Variants in IQCM observed in about 807,000 individuals in gnomAD.
IQCM encodes IQ motif containing M.
IQCM carries 45 observed loss-of-function variants against 57.6 expected under a neutral mutation model. That is an observed-to-expected ratio of 0.78 (90% CI 0.62 to 1.00). The LOEUF (loss-of-function observed/expected upper bound fraction) is 1.00. Ranked by LOEUF, IQCM falls within the 50% of genes least tolerant of loss-of-function variation. The probability of loss-of-function intolerance (pLI) is 0.00; values close to 1 mark genes in which losing one functional copy is unlikely to be tolerated. For synonymous variants in IQCM, 148 were observed against 158.9 expected, an observed-to-expected ratio of 0.93 and a Z score of 0.51; for missense variants, 468 against 511.6, an observed-to-expected ratio of 0.91 and a Z score of 0.82.
At chr4:149,440,121 CT>C (rs955416306) in intron 12 of IQCM, among the ~76,000 whole-genome samples, 1,405 of 88,012 alleles carry the variant, frequency 0.016, 15 homozygotes, top group African/African-American at 0.046. Flanking sequence ...CATGCCCGGC[CT>C]TTTTTTTTTT....
At chr4:149,621,550 T>C (rs2150074102) in intron 7 of IQCM, among the ~76,000 whole-genome samples, 1 of 152,314 alleles carries the variant, frequency 6.6e-6, no homozygotes. Context: ...TCAACTTCTT[T>C]TTTTTTAAAG....
chr4:149,478,318 T>C (rs775821537), intron 12 of IQCM, among the ~76,000 whole-genome samples: 3 of 152,082 alleles, frequency 2.0e-5, no homozygotes, highest in Non-Finnish European at 4.4e-5. Flanking sequence ...AGGTGCAAGA[T>C]TGCACACACT....
At chr4:149,750,702 A>G (rs975844607) in intron 2 of IQCM, among the ~76,000 whole-genome samples, 6 of 152,232 alleles carry the variant, frequency 3.9e-5, no homozygotes, top group African/African-American at 1.4e-4. Flanking sequence ...CTTAAATAGA[A>G]GCCATTAACA....
At chr4:149,516,777 C>A (rs1307963458) in intron 12 of IQCM, among the ~76,000 whole-genome samples, 2 of 151,770 alleles carry the variant, frequency 1.3e-5, no homozygotes, top group East Asian at 3.9e-4. Flanking sequence ...AGTCTTAGTT[C>A]CAGAGGGAGG....
chr4:149,543,293 G>A (rs1267475483), intron 12 of IQCM, among the ~76,000 whole-genome samples: 1 of 151,884 alleles, frequency 6.6e-6, no homozygotes, highest in African/African-American at 2.4e-5. Flanking sequence ...GATAAGTATT[G>A]TTAAAAACAA....
At chr4:149,449,619 G>C (rs1219954169) in intron 12 of IQCM, among the ~76,000 whole-genome samples, 1 of 150,896 alleles carries the variant, frequency 6.6e-6, no homozygotes, top group African/African-American at 2.4e-5. Context: ...TTAAATAGCT[G>C]CACATAAAAT....
intron 13 of IQCM, among the ~76,000 whole-genome samples, chr4:149,355,411 A>C (rs2110878337): frequency 9.7e-6 from 1 of 103,186 alleles, no homozygotes; most frequent in Non-Finnish European, 1.8e-5. Flanking sequence ...ACCCCACAAC[A>C]GGCCCCAGCG....
chr4:149,611,663 G>A (rs1755302715), intron 8 of IQCM, among the ~76,000 whole-genome samples: 1 of 152,004 alleles, frequency 6.6e-6, no homozygotes, highest in Admixed American at 6.6e-5. Flanking sequence ...GGAGTAAAAT[G>A]ATGGTTACCC....
At chr4:149,536,682 A>G (rs1747328312) in intron 12 of IQCM, among the ~76,000 whole-genome samples, 2 of 152,032 alleles carry the variant, frequency 1.3e-5, no homozygotes, top group East Asian at 3.8e-4. Context: ...CACAGCACAT[A>G]TTAAGTGTTC....
chr4:149,548,108 G>T (rs1485104472), intron 12 of IQCM, among the ~76,000 whole-genome samples: 1 of 152,108 alleles, frequency 6.6e-6, no homozygotes, highest in African/African-American at 2.4e-5. Context: ...AAGCCTCCTA[G>T]CATCAGTATT....
intron 13 of IQCM, among the ~76,000 whole-genome samples, chr4:149,401,896 T>C (rs1185424762): frequency 6.6e-6 from 1 of 151,786 alleles, no homozygotes; most frequent in Non-Finnish European, 1.5e-5. Context: ...TGAGAGCATT[T>C]TGTCCATGCA....
chr4:149,412,307 C>T (rs1733442469), intron 13 of IQCM, among the ~76,000 whole-genome samples: 1 of 152,074 alleles, frequency 6.6e-6, no homozygotes, highest in Non-Finnish European at 1.5e-5. Context: ...GTGAGGTTTT[C>T]TTCCCTACAG....
chr4:149,760,232 A>G (rs1222147041), intron 2 of IQCM, among the ~76,000 whole-genome samples: 1 of 152,114 alleles, frequency 6.6e-6, no homozygotes. Context: ...GATAATAAGG[A>G]AAAAAGACCA....
chr4:149,671,494 C>T (rs956160414), intron 7 of IQCM, among the ~76,000 whole-genome samples: 1 of 152,056 alleles, frequency 6.6e-6, no homozygotes, highest in East Asian at 1.9e-4. Flanking sequence ...CTGCTCTGAT[C>T]TTAGTTATTT....
intron 3 of IQCM, among the ~76,000 whole-genome samples, chr4:149,736,057 C>A (rs994209837): frequency 6.6e-6 from 1 of 151,672 alleles, no homozygotes; most frequent in Non-Finnish European, 1.5e-5. Context: ...AAGCAATCCT[C>A]CCACCTCAGC....
intron 10 of IQCM, among the ~76,000 whole-genome samples, chr4:149,558,767 G>T (rs1283895586): frequency 6.6e-6 from 1 of 152,100 alleles, no homozygotes; most frequent in Non-Finnish European, 1.5e-5. Context: ...TTATAGATGA[G>T]AGGGTTTTAC....
At chr4:149,563,390 C>G (rs1388771947) in intron 10 of IQCM, among the ~76,000 whole-genome samples, 1 of 152,092 alleles carries the variant, frequency 6.6e-6, no homozygotes, top group East Asian at 1.9e-4. Flanking sequence ...AAACTGTCAT[C>G]ATAACAGATT....
chr4:149,701,126 T>C (rs1294629494), intron 5 of IQCM, among the ~76,000 whole-genome samples: 1 of 152,024 alleles, frequency 6.6e-6, no homozygotes, highest in Non-Finnish European at 1.5e-5. Context: ...CACTCTAACA[T>C]AGGCCCTCAA....
At chr4:149,481,701 G>GTTTTTTTTTTTTTTGTTTTGTTTTTT (rs1740834894) in intron 12 of IQCM, among the ~76,000 whole-genome samples, 2 of 51,548 alleles carry the variant, frequency 3.9e-5, no homozygotes, top group Admixed American at 2.5e-4. Context: ...TTCCAGTTTT[G>GTTTTTTTTTTTTTTGTTTTGTTTTTT]TTTTTTTTTT....
Sources: gnomAD v4.1 joint callset for allele counts (sites outside exome capture counted in the v4.1 genomes callset) on GRCh38, gnomAD v4.1.1 for gene constraint, MANE v1.5 for transcripts, NCBI Gene and HGNC (gene_info 2026-07-23, HGNC 2026-07-21) for gene names.